The following GPR39 variants were observed in gnomAD, a reference collection of about 807,000 sequenced individuals.
GPR39 encodes the protein G protein-coupled receptor 39.
In GPR39, 23 loss-of-function variants were observed where a neutral mutation model predicts 18.4. The observed-to-expected ratio is 1.25, with a 90% CI of 0.90 to 1.77. The LOEUF is 1.77. Among genes scored for constraint, GPR39 ranks in the 40% most tolerant of loss-of-function variants. The pLI is 0.00. For synonymous variants in GPR39, 280 were observed against 257.9 expected (o/e 1.09, Z -0.82); for missense variants, 647 against 602.4 (o/e 1.07, Z -0.78).
intron 1 of GPR39, among the ~76,000 whole-genome samples, chr2:132,456,999 A>G (rs1680740853): frequency 6.6e-6 from 1 of 152,064 alleles, no homozygotes; most frequent in African/African-American, 2.4e-5. Flanking sequence ...TGTATTCTTT[A>G]TATTTCCTGA....
At chr2:132,533,372 C>T (rs1193806148) in intron 1 of GPR39, among the ~76,000 whole-genome samples, 3 of 149,814 alleles carry the variant, frequency 2.0e-5, no homozygotes, top group East Asian at 4.1e-4. Flanking sequence ...AAGAACATTC[C>T]ATGCTCATGG....
chr2:132,526,761 T>G (rs1679522217), intron 1 of GPR39, among the ~76,000 whole-genome samples: 2 of 152,116 alleles, frequency 1.3e-5, no homozygotes, highest in Admixed American at 1.3e-4. Context: ...GCTCCTATAT[T>G]AACTGTGCTC....
intron 1 of GPR39, among the ~76,000 whole-genome samples, chr2:132,501,883 T>C (rs1240279034): frequency 6.6e-6 from 1 of 152,202 alleles, no homozygotes; most frequent in African/African-American, 2.4e-5. Context: ...TGGCCTAATA[T>C]AAGGATCACT....
At chr2:132,569,557 G>A (rs1012035101) in intron 1 of GPR39, among the ~76,000 whole-genome samples, 3 of 151,582 alleles carry the variant, frequency 2.0e-5, no homozygotes, top group Admixed American at 1.3e-4. Flanking sequence ...GGGGTCCTCC[G>A]GCTTTGAGGG....
At position 132,425,939 on chromosome 2, in the gene GPR39, C is replaced by T. The variant is rs568281439; in HGVS notation, c.856+8041C>T. ...CCTACATGTTGAGAACCCAGGCATACCTTGCCTGGATCTCTGATCTACAGA... is the reference window on the plus strand; with the variant it reads ...CCTACATGTTGAGAACCCAGGCATATCTTGCCTGGATCTCTGATCTACAGA... On this transcript the variant is annotated intron_variant, in intron 1 of 1. Transcript: ENST00000329321. Among the ~76,000 whole-genome samples the T allele has an allele frequency of 1.6e-3, 242 of 152,260 alleles. 3 individuals are homozygous for T. The Middle Eastern group carries it at 0.037, about 24-fold the overall frequency.
chr2:132,472,787 A>G (rs1402833903), intron 1 of GPR39, among the ~76,000 whole-genome samples: 1 of 152,126 alleles, frequency 6.6e-6, no homozygotes, highest in Non-Finnish European at 1.5e-5. Context: ...GACTTGGTGG[A>G]TATAGTATTA....
chr2:132,419,567 A>G (rs1425268435), intron 1 of GPR39, among the ~76,000 whole-genome samples: 1 of 152,190 alleles, frequency 6.6e-6, no homozygotes, highest in African/African-American at 2.4e-5. Context: ...AACTCAGTCT[A>G]TCACCCACTG....
intron 1 of GPR39, among the ~76,000 whole-genome samples, chr2:132,640,854 C>CT (rs957566475): frequency 2.0e-5 from 3 of 152,118 alleles, no homozygotes; most frequent in African/African-American, 4.8e-5. Context: ...GAACAACAAA[C>CT]TTTTTTTAAT....
intron 1 of GPR39, among the ~76,000 whole-genome samples, chr2:132,472,925 G>C (rs540725748): frequency 6.6e-6 from 1 of 151,828 alleles, no homozygotes; most frequent in East Asian, 1.9e-4. Flanking sequence ...GAACTCTCTA[G>C]GTCTGCCCTG....
chr2:132,477,459 G>C (rs963878868), intron 1 of GPR39, among the ~76,000 whole-genome samples: 2 of 152,216 alleles, frequency 1.3e-5, no homozygotes, highest in South Asian at 4.1e-4. Context: ...CCAGCTACTC[G>C]GGAGGCTGAG....
At chr2:132,643,666 T>G (rs1420721272) in intron 1 of GPR39, among the ~76,000 whole-genome samples, 1 of 152,198 alleles carries the variant, frequency 6.6e-6, no homozygotes, top group African/African-American at 2.4e-5. Flanking sequence ...CAGGTGTGTA[T>G]GTACCACCAT....
intron 1 of GPR39, among the ~76,000 whole-genome samples, chr2:132,473,055 C>T (rs1230132291): frequency 6.6e-6 from 1 of 152,128 alleles, no homozygotes; most frequent in African/African-American, 2.4e-5. Context: ...CCTGAACCTG[C>T]TACAGAGTTC....
intron 1 of GPR39, among the ~76,000 whole-genome samples, chr2:132,634,306 T>C (rs957038286): frequency 6.6e-6 from 1 of 152,118 alleles, no homozygotes; most frequent in African/African-American, 2.4e-5. Context: ...TCCTGGCAGC[T>C]AGTGTTATCT....
chr2:132,483,676 A>C (rs551487324), intron 1 of GPR39, among the ~76,000 whole-genome samples: 1 of 152,308 alleles, frequency 6.6e-6, no homozygotes, highest in Non-Finnish European at 1.5e-5. Flanking sequence ...GTTGCTTTTC[A>C]GTTTGTTCAC....
At chr2:132,615,090 G>T (rs1436211607) in intron 1 of GPR39, among the ~76,000 whole-genome samples, 4 of 152,028 alleles carry the variant, frequency 2.6e-5, no homozygotes, top group African/African-American at 9.7e-5. Flanking sequence ...TGGTTGCTTT[G>T]CTGTTTCAAA....
In GPR39 at chr2:132,623,346, T is replaced by C. The variant is rs79883187; in HGVS notation, c.857-21755T>C. On this transcript the variant is annotated intron_variant, in intron 1 of 1. Transcript: ENST00000329321. ...AGTGCCCTGGACTCCACGCTCCTGA[T>C]ACCGTTGAAGGAAGATCTGAAAAAG... Among the ~76,000 whole-genome samples, 717 of 151,972 alleles carry C rather than the reference T, an allele frequency of 4.7e-3. 4 individuals carry two copies. The highest frequency in any genetic ancestry group is 7.9e-3 in the Non-Finnish European group (534 of 67,976).
chr2:132,477,818 C>G (rs978221024), intron 1 of GPR39, among the ~76,000 whole-genome samples: 4 of 152,086 alleles, frequency 2.6e-5, no homozygotes, highest in African/African-American at 9.7e-5. Flanking sequence ...ATATAAATTG[C>G]CTTTCTCTTT....
chr2:132,578,811 T>C (rs1334632970), intron 1 of GPR39, among the ~76,000 whole-genome samples: 1 of 151,612 alleles, frequency 6.6e-6, no homozygotes, highest in East Asian at 1.9e-4. Context: ...TTTAATATCT[T>C]CAAGGTCTGT....
At chr2:132,545,271 G>A (rs1679923853) in intron 1 of GPR39, among the ~76,000 whole-genome samples, 1 of 152,138 alleles carries the variant, frequency 6.6e-6, no homozygotes, top group South Asian at 2.1e-4. Context: ...CTTGTTAAAG[G>A]GACAGATCTT....
Sources: gnomAD v4.1 joint callset for allele counts (sites outside exome capture counted in the v4.1 genomes callset) on GRCh38, gnomAD v4.1.1 for gene constraint, MANE v1.5 for transcripts, NCBI Gene and HGNC (gene_info 2026-07-23, HGNC 2026-07-21) for gene names.